Variants in AGPAT5 observed in about 807,000 individuals in gnomAD.
AGPAT5 encodes the protein 1-acylglycerol-3-phosphate O-acyltransferase 5.
In AGPAT5, 46 loss-of-function variants were observed where a neutral mutation model predicts 45.6. The ratio of observed to expected loss-of-function variants is 1.01; its 90% CI spans 0.80 to 1.29. The LOEUF (loss-of-function observed/expected upper bound fraction) is 1.29. Ranked by LOEUF, AGPAT5 falls within the 50% of genes most tolerant of loss-of-function variation. The pLI is 0.00. For synonymous variants in AGPAT5, 272 were observed against 167.0 expected (o/e 1.63, Z -4.85); for missense variants, 673 against 450.7 (o/e 1.49, Z -4.47).
intron 1 of AGPAT5, among the ~76,000 whole-genome samples, chr8:6,711,937 C>T (rs1472308684): frequency 2.0e-5 from 3 of 152,144 alleles, no homozygotes; most frequent in African/African-American, 7.2e-5. Context: ...ATCTCAAGAT[C>T]CTTAATTATA....
intron 3 of AGPAT5, among the ~76,000 whole-genome samples, chr8:6,731,380 G>A (rs1406274089): frequency 1.3e-5 from 2 of 152,110 alleles, no homozygotes; most frequent in African/African-American, 4.8e-5. Flanking sequence ...AGGTGTTCAA[G>A]ACCCTCATAT....
chr8:6,713,756 G>T (rs1468565244), intron 1 of AGPAT5, among the ~76,000 whole-genome samples: 1 of 151,908 alleles, frequency 6.6e-6, no homozygotes, highest in Non-Finnish European at 1.5e-5. Flanking sequence ...GGGTAGAGAC[G>T]AGATTTTGCC....
chr8:6,716,544 A>G (rs866858803), intron 1 of AGPAT5, among the ~76,000 whole-genome samples: 1 of 152,040 alleles, frequency 6.6e-6, no homozygotes, highest in African/African-American at 2.4e-5. Flanking sequence ...AAGAAAAAAA[A>G]GGTAAAAGGG....
intron 2 of AGPAT5, among the ~76,000 whole-genome samples, chr8:6,727,351 C>G (rs751164447): frequency 6.6e-6 from 1 of 151,874 alleles, no homozygotes; most frequent in Non-Finnish European, 1.5e-5. Flanking sequence ...ATTTCTTCCC[C>G]TTATCCTTCA....
At chr8:6,714,882 G>T (rs975047687) in intron 1 of AGPAT5, among the ~76,000 whole-genome samples, 5 of 152,192 alleles carry the variant, frequency 3.3e-5, no homozygotes, top group Non-Finnish European at 7.3e-5. Context: ...TTGTATATTT[G>T]TCTGATTTTG....
Position 6,708,785 on chromosome 8 carries a change from C to T in AGPAT5, c.117C>T (p.Ser39=), listed in dbSNP as rs1167709079. ...CCTGGGGGGTCTGGCGGCTGCTCTC[C>T]GCCTTCCTGCCCGCCCGCTTCTACC... ...VLAWGVWRLL[S]AFLPARFYQA... is the part of the protein sequence containing the mutation. Residue 39 remains serine (S), a synonymous_variant, in exon 1 of 8, where the codon TCC becomes TCT. Coordinates refer to ENST00000285518, the MANE Select transcript of AGPAT5 (RefSeq NM_018361.5). 1 of 1,609,492 alleles carries T rather than the reference C, an allele frequency of 6.2e-7. No individual in the cohort carries two copies.
rs151118509 is a variant in AGPAT5, at chr8:6,760,213, G to A, written c.*2825G>A. On this transcript the variant is annotated 3_prime_UTR_variant, in exon 8 of 8. Coordinates refer to ENST00000285518, the MANE Select transcript of AGPAT5 (RefSeq NM_018361.5). ...TCAAGACCAGCCTGGGCAACATATCGAGAACCTGTCTACAAAAAAATTAAA... is the reference window on the plus strand; with the variant it reads ...TCAAGACCAGCCTGGGCAACATATCAAGAACCTGTCTACAAAAAAATTAAA... Among the ~76,000 whole-genome samples, 212 of 152,092 alleles carry A rather than the reference G, an allele frequency of 1.4e-3. No homozygotes were observed. The highest frequency in any genetic ancestry group is 4.9e-3 in the African/African-American group (203 of 41,476).
intron 1 of AGPAT5, among the ~76,000 whole-genome samples, chr8:6,717,967 A>G (rs938120738): frequency 2.0e-5 from 3 of 152,164 alleles, no homozygotes; most frequent in Non-Finnish European, 2.9e-5. Context: ...TGTAATTCCT[A>G]TTTCTCTGCC....
intron 4 of AGPAT5, chr8:6,738,528 G>A (rs1177997436): frequency 1.3e-5 from 2 of 152,126 alleles, no homozygotes; most frequent in Non-Finnish European, 2.9e-5. Context: ...TGAGATTACC[G>A]AAATATGACA....
At position 6,759,238 on chromosome 8, in the gene AGPAT5, A is replaced by G. The variant is rs1801950505; in HGVS notation, c.*1850A>G. ...TTTGAATATAATGGGTATGTTCTAAATTTGAACTTTGAGAGGCAATACTGT... is the reference window on the plus strand; with the variant it reads ...TTTGAATATAATGGGTATGTTCTAAGTTTGAACTTTGAGAGGCAATACTGT... On this transcript the variant is annotated 3_prime_UTR_variant, in exon 8 of 8. Transcript: ENST00000285518. 2 of 152,204 alleles carry G rather than the reference A, an allele frequency of 1.3e-5. No homozygotes were observed. The highest frequency in any genetic ancestry group is 4.8e-5 in the African/African-American group (2 of 41,448). The allele number at this position is 152,204 out of a possible 1,614,324, so 9.4% of individuals were successfully genotyped here. A position where few individuals can be genotyped will look rare whatever the true frequency, so the allele number is the denominator to read the frequency against.
chr8:6,728,109 A>T (rs573034167), intron 2 of AGPAT5, among the ~76,000 whole-genome samples: 1 of 152,318 alleles, frequency 6.6e-6, no homozygotes, highest in South Asian at 2.1e-4. Context: ...CTGCTGTTTC[A>T]TGAGGATAGG....
Position 6,747,408 on chromosome 8 carries a change from G to A in AGPAT5, c.587-262G>A, listed in dbSNP as rs148913590. On this transcript the variant is annotated intron_variant, in intron 5 of 7. Transcript: ENST00000285518. ...TTGCCGGGGTCTACTAGATTGAAGC[G>A]TTTCCGCTAGGCCATAAACTTCCAA... is the stretch of plus-strand genomic sequence containing the variant. Among the ~76,000 whole-genome samples the A allele has an allele frequency of 4.8e-4, 73 of 152,340 alleles. No individual in the cohort carries two copies. In the East Asian group the frequency reaches 0.013, roughly 28 times the overall value.
intron 5 of AGPAT5, among the ~76,000 whole-genome samples, chr8:6,743,971 G>T (rs2912054): frequency 0.74 from 113,102 of 151,966 alleles, 43,321 homozygotes; most frequent in African/African-American, 0.92. Flanking sequence ...TTTCAAAACA[G>T]GAGAACAAAG....
chr8:6,728,956 A>G (rs1354105062), intron 2 of AGPAT5, among the ~76,000 whole-genome samples: 2 of 152,194 alleles, frequency 1.3e-5, no homozygotes, highest in Non-Finnish European at 2.9e-5. Flanking sequence ...AGATATCTCA[A>G]CCCAATAACA....
chr8:6,757,393 G>A lies in AGPAT5; in HGVS notation c.*5G>A, dbSNP rs897972861. On this transcript the variant is annotated 3_prime_UTR_variant, in exon 8 of 8. Transcript: ENST00000285518. Reference sequence around the variant, plus strand: ...TGGGTTACTATTAAAGCATAGACAAGTAGCTGTCTCCAGACAGTGGGATGT... The same window carrying A: ...TGGGTTACTATTAAAGCATAGACAAATAGCTGTCTCCAGACAGTGGGATGT... 3 of 1,610,988 alleles carry A rather than the reference G, an allele frequency of 1.9e-6. No homozygotes were observed. Among genetic ancestry groups the A allele is most frequent in the African/African-American group, 1.3e-5 (1 of 74,880 alleles).
At chr8:6,747,306 G>T (rs1801507510) in intron 5 of AGPAT5, among the ~76,000 whole-genome samples, 1 of 152,200 alleles carries the variant, frequency 6.6e-6, no homozygotes. Flanking sequence ...TGTATTTCTA[G>T]GAAATCTTGA....
chr8:6,751,622 C>A (rs557331978), intron 6 of AGPAT5, among the ~76,000 whole-genome samples: 19 of 152,316 alleles, frequency 1.2e-4, no homozygotes, highest in South Asian at 8.3e-4. Context: ...TCAAAGCCCA[C>A]CTGGGCATTC....
At position 6,755,271 on chromosome 8, in the gene AGPAT5, C is replaced by T. The variant is rs931948574; in HGVS notation, c.869+97C>T. 21 of 1,259,732 alleles carry T rather than the reference C, an allele frequency of 1.7e-5. No homozygotes were observed. In the South Asian group the frequency reaches 2.2e-4, roughly 13 times the overall value. 78.0% of individuals were successfully genotyped at this position (1,259,732 alleles called of 1,614,324 possible). ...ACCAATGTAAATGGTTATATTGTCTCAAGAATACATTTTATAAATTCAAAT... is the reference window on the plus strand; with the variant it reads ...ACCAATGTAAATGGTTATATTGTCTTAAGAATACATTTTATAAATTCAAAT... On this transcript the variant is annotated intron_variant, in intron 7 of 7. Transcript: ENST00000285518.
At chr8:6,748,886 T>C (rs985364439) in intron 6 of AGPAT5, among the ~76,000 whole-genome samples, 3 of 152,168 alleles carry the variant, frequency 2.0e-5, no homozygotes, top group Admixed American at 2.0e-4. Flanking sequence ...TCCAGCACGT[T>C]TTACATGGAA....
Sources: allele counts gnomAD v4.1 joint callset (sites outside exome capture counted in the v4.1 genomes callset), GRCh38; gene constraint gnomAD v4.1.1; transcripts MANE v1.5; gene names NCBI Gene and HGNC (gene_info 2026-07-23, HGNC 2026-07-21).